Variants in MASTL observed in about 807,000 individuals in gnomAD.
MASTL encodes microtubule associated serine/threonine kinase like, also known as serine/threonine-protein kinase greatwall.
In MASTL, 54 loss-of-function variants were observed where a neutral mutation model predicts 82.5. The ratio of observed to expected loss-of-function variants is 0.65; its 90% CI spans 0.53 to 0.82. The LOEUF is 0.82. Among genes scored for constraint, MASTL ranks in the 40% least tolerant of loss-of-function variants. The pLI is 0.00. For missense variants in MASTL, 950 were observed against 1,047.8 expected, an observed-to-expected ratio of 0.91 and a Z score of 1.29; for synonymous variants, 323 against 368.9, an observed-to-expected ratio of 0.88 and a Z score of 1.43.
At position 27,163,009 on chromosome 10, in the gene MASTL, C is replaced by T. The variant is rs1281820796; in HGVS notation, c.553+1827C>T. Among the ~76,000 whole-genome samples the T allele has an allele frequency of 3.3e-5, 5 of 152,090 alleles. No homozygotes were observed. In the East Asian group the frequency reaches 5.8e-4, roughly 18 times the overall value. On this transcript the variant is annotated intron_variant, in intron 4 of 11. Transcript: ENST00000375940. Reference sequence around the variant, plus strand: ...TCGGCTCACTACAACATCCACCTCCCGGGTTCAAGCAATTCTCCTGCCTCA... The same window carrying T: ...TCGGCTCACTACAACATCCACCTCCTGGGTTCAAGCAATTCTCCTGCCTCA...
Position 27,187,028 on chromosome 10 carries a change from G to A in MASTL, c.*492G>A, listed in dbSNP as rs1189795059. On this transcript the variant is annotated 3_prime_UTR_variant, in exon 12 of 12. Coordinates refer to ENST00000375940, the MANE Select transcript of MASTL (RefSeq NM_001172303.3). The stretch of plus-strand genomic sequence containing the variant: ...CAGAAATGCAGCTGGAAGGCCGGGC[G>A]CAGTGGCTCACGCATGTAATCCCAG... The A allele has an allele frequency of 4.9e-6, 1 of 204,170 alleles. No homozygotes were observed. Among genetic ancestry groups the A allele is most frequent in the Non-Finnish European group, 1.0e-5 (1 of 100,320 alleles). The allele number at this position is 204,170 out of a possible 1,614,324, so 12.6% of individuals were successfully genotyped here. A position where few individuals can be genotyped will look rare whatever the true frequency, so the allele number is the denominator to read the frequency against.
chr10:27,170,529 C>T lies in MASTL; in HGVS notation c.1570C>T (p.Pro524Ser), dbSNP rs1322849977. Residue 524 changes from proline to serine, a missense_variant, in exon 8 of 12, where the codon CCT becomes TCT. By Grantham distance (74) the Pro-to-Ser change is moderately conservative. Coordinates refer to ENST00000375940, the MANE Select transcript of MASTL (RefSeq NM_001172303.3). ...TDKQQTPEKL[P>S]IPMIAKNLMC... ...TAAACAACAAACACCAGAAAAATTA[C>T]CTATACCAATGATAGCAAAAAACCT... 2.5e-6 allele frequency: 4 copies of T among 1,613,890 alleles called. No individual in the cohort carries two copies. The highest frequency in any genetic ancestry group is 1.1e-5 in the South Asian group (1 of 91,068).
chr10:27,185,491 G>A (rs1284724894), intron 11 of MASTL, among the ~76,000 whole-genome samples: 1 of 151,836 alleles, frequency 6.6e-6, no homozygotes, highest in Non-Finnish European at 1.5e-5. Context: ...AAATTAGCCA[G>A]GCTTGGTGGT....
rs752796396 is a variant in MASTL, at chr10:27,158,525, T to C, written c.187-24T>C. ...TGTCTCAAAATAAAATAACATGATA[T>C]CACTTTTATTTTATCTATTACAGGT... On this transcript the variant is annotated intron_variant, in intron 1 of 11. Transcript: ENST00000375940. 3.9e-6 allele frequency: 6 copies of C among 1,531,878 alleles called. No individual in the cohort carries two copies. The South Asian group carries it at 4.5e-5, about 11-fold the overall frequency. The allele number at this position is 1,531,878 out of a possible 1,614,324, so 94.9% of individuals were successfully genotyped here. A position where few individuals can be genotyped will look rare whatever the true frequency, so the allele number is the denominator to read the frequency against.
intron 9 of MASTL, among the ~76,000 whole-genome samples, chr10:27,176,784 A>G (rs1358473253): frequency 6.6e-5 from 10 of 150,852 alleles, no homozygotes; most frequent in Non-Finnish European, 2.9e-5. Context: ...CTAATTGTTT[A>G]TTTATCTCCA....
chr10:27,171,685 G>A (rs1010427847), intron 8 of MASTL, among the ~76,000 whole-genome samples: 2 of 151,488 alleles, frequency 1.3e-5, no homozygotes, highest in African/African-American at 4.9e-5. Context: ...CGCCCACCTC[G>A]GCCTCTCAAA....
chr10:27,163,624 T>C (rs10764680), intron 4 of MASTL, among the ~76,000 whole-genome samples: 89,956 of 136,568 alleles, frequency 0.66, 27,187 homozygotes, highest in Non-Finnish European at 0.71. Context: ...ACTTATTTGT[T>C]TTTTTTTTTT....
In MASTL at chr10:27,180,548, C is replaced by T. The variant is rs148376180; in HGVS notation, c.2267-405C>T. Among the ~76,000 whole-genome samples the T allele has an allele frequency of 7.8e-3, 1,188 of 152,288 alleles. 10 individuals carry two copies. The highest frequency in any genetic ancestry group is 0.012 in the Non-Finnish European group (793 of 68,028). On this transcript the variant is annotated intron_variant, in intron 9 of 11. Transcript: ENST00000375940. ...CTGGGATTATAGGCATGTGCCACCA[C>T]GCCTGGCCAATTTTTGTATTTTTAG...
chr10:27,154,572 GTT>G (rs755262244), upstream of MASTL: 1,831 of 314,096 alleles, frequency 5.8e-3, no homozygotes, highest in Middle Eastern at 7.4e-3. Flanking sequence ...CTTTTTCTTC[GTT>G]TTTTTTTTTT....
chr10:27,163,136 C>T (rs1404736114), intron 4 of MASTL, among the ~76,000 whole-genome samples: 2 of 151,992 alleles, frequency 1.3e-5, no homozygotes, highest in African/African-American at 4.8e-5. Context: ...AGGCTGGTCT[C>T]GAGCTCCTGA....
At chr10:27,165,223 T>G in intron 5 of MASTL, 53 bp downstream of exon 5, 1 of 1,413,632 alleles carries the variant, frequency 7.1e-7, no homozygotes, top group Non-Finnish European at 1.0e-6. Flanking sequence ...GATCACCACT[T>G]AAAATTTAAA....
rs777764473 is a variant in MASTL, at chr10:27,161,278, C to T, written c.553+96C>T. The T allele has an allele frequency of 2.2e-4, 160 of 715,776 alleles. 1 individual carries two copies. Among genetic ancestry groups the T allele is most frequent in the Admixed American group, 1.1e-3 (56 of 52,216 alleles). 44.3% of individuals were successfully genotyped at this position (715,776 alleles called of 1,614,324 possible). On this transcript the variant is annotated intron_variant, in intron 4 of 11. Coordinates refer to ENST00000375940, the MANE Select transcript of MASTL (RefSeq NM_001172303.3). ...ATCCCAGCACTTTGGGAGGCCAAGG[C>T]GGGCAGATCACCTGAGGTCAGGAGT...
chr10:27,165,481 C>G lies in MASTL; in HGVS notation c.753C>G (p.Cys251Trp). 1 of 1,613,948 alleles carries G rather than the reference C, an allele frequency of 6.2e-7. No individual in the cohort carries two copies. The highest frequency in any genetic ancestry group is 8.5e-7 in the Non-Finnish European group (1 of 1,179,858). The part of the protein sequence containing the change: ...ETSQLSQGLV[C>W]PMSVDQKDTT... ...CACAGCTTTCTCAAGGACTCGTATG[C>G]CCTATGTCTGTAGATCAAAAGGACA... The change falls in exon 6 of 12, where the codon TGC becomes TGG. Residue 251 changes from cysteine to tryptophan, a missense_variant. Coordinates refer to ENST00000375940, the MANE Select transcript of MASTL (RefSeq NM_001172303.3).
intron 7 of MASTL, 130 bp downstream of exon 7, chr10:27,167,404 C>A: frequency 2.6e-6 from 2 of 756,380 alleles, no homozygotes; most frequent in Non-Finnish European, 2.2e-6. Context: ...TAGTATTAAT[C>A]AGAAATTCAT....
At chr10:27,180,390 C>A (rs2058234649) in intron 9 of MASTL, among the ~76,000 whole-genome samples, 1 of 151,916 alleles carries the variant, frequency 6.6e-6, no homozygotes, top group Non-Finnish European at 1.5e-5. Flanking sequence ...CTTTTCTTTT[C>A]TTTTCTTTTC....
Position 27,155,600 on chromosome 10 carries a change from G to T in MASTL, c.174G>T (p.Leu58Phe). ...ATCTGGGGCAGAAAGGCGGCAAATT[G>T]TATGCAGTAAAGGTAGGAAGTCAAC... Reference protein sequence around the residue: ...KVYLGQKGGKLYAVKVVKKAD... With the variant: ...KVYLGQKGGKFYAVKVVKKAD... The change falls in exon 1 of 12, where the codon TTG becomes TTT. Residue 58 changes from leucine to phenylalanine, a missense_variant. Transcript: ENST00000375940. 1 of 1,614,184 alleles carries T rather than the reference G, an allele frequency of 6.2e-7. No individual in the cohort carries two copies. The highest frequency in any genetic ancestry group is 1.3e-5 in the African/African-American group (1 of 75,062).
In MASTL at chr10:27,173,118, C is replaced by T. The variant is rs1341618539; in HGVS notation, c.2125C>T (p.Gln709Ter). ...ATCTCTTAAACCCTTTTTGAATTAG[C>T]AGACCCCAAATCAGATCAAGTCGGG... Reference protein sequence around the residue: ...QKRRSCMPHQQTPNQIKSGTP... With the variant: ...QKRRSCMPHQ The change falls in exon 9 of 12, where the codon CAG becomes TAG. Residue 709 changes from glutamine (Q) to a stop codon, truncating the protein, a stop_gained and splice_region_variant. Coordinates refer to ENST00000375940, the MANE Select transcript of MASTL (RefSeq NM_001172303.3). LOFTEE classifies it high-confidence loss of function. The T allele has an allele frequency of 4.3e-5, 69 of 1,613,558 alleles. No individual in the cohort carries two copies. Among genetic ancestry groups the T allele is most frequent in the Non-Finnish European group, 5.7e-5 (67 of 1,179,896 alleles).
chr10:27,155,718 G>T (rs2057341440), intron 1 of MASTL, 106 bp downstream of exon 1: 4 of 1,318,520 alleles, frequency 3.0e-6, no homozygotes, highest in African/African-American at 1.5e-5. Flanking sequence ...GAGTCTGGGT[G>T]GCCTGGCTTG....
At chr10:27,160,346 A>G (rs528305652) in intron 3 of MASTL, among the ~76,000 whole-genome samples, 3 of 151,980 alleles carry the variant, frequency 2.0e-5, no homozygotes, top group Admixed American at 2.0e-4. Flanking sequence ...GCTCCTCTGC[A>G]TTATACAAAA....
Sources: allele counts gnomAD v4.1 joint callset (sites outside exome capture counted in the v4.1 genomes callset), GRCh38; gene constraint gnomAD v4.1.1; transcripts MANE v1.5; gene names NCBI Gene and HGNC (gene_info 2026-07-23, HGNC 2026-07-21).